The following CSMD1 variants were observed in gnomAD, a reference collection of about 807,000 sequenced individuals.
CSMD1 encodes CUB and Sushi multiple domains 1.
In CSMD1, 213 loss-of-function variants were observed where a neutral mutation model predicts 417.5. That is an observed-to-expected ratio of 0.51 (90% confidence interval 0.46 to 0.57). The LOEUF (loss-of-function observed/expected upper bound fraction) is 0.57. CSMD1 is among the 20% of genes least tolerant of loss of function. CSMD1 has a pLI of 0.00. For missense variants in CSMD1, 6,923 were observed against 4,529.7 expected (o/e 1.53, Z -15.17); for synonymous variants, 2,862 against 1,736.8 (o/e 1.65, Z -16.11).
At chr8:4,294,088 T>C (rs944872080) in intron 3 of CSMD1, among the ~76,000 whole-genome samples, 3 of 152,202 alleles carry the variant, frequency 2.0e-5, no homozygotes, top group Middle Eastern at 6.3e-3. Context: ...AAGTTGAAGT[T>C]CTATATTCCT....
At chr8:4,158,380 C>A (rs1252912518) in intron 3 of CSMD1, among the ~76,000 whole-genome samples, 6 of 152,046 alleles carry the variant, frequency 3.9e-5, no homozygotes, top group African/African-American at 1.4e-4. Flanking sequence ...AATATGAATA[C>A]AGCCACTAGT....
rs536674240 is a variant in CSMD1 at position 4,391,422 on chromosome 8, G to C, written c.415+28531C>G. Among the ~76,000 whole-genome samples, 11 of 152,194 alleles carry C rather than the reference G, an allele frequency of 7.2e-5. No homozygotes were observed. The East Asian group carries it at 2.1e-3, about 29-fold the overall frequency. On this transcript the variant is annotated intron_variant, in intron 3 of 69. Coordinates refer to ENST00000635120, the MANE Select transcript of CSMD1 (RefSeq NM_033225.6). ...TGAAGACTAGGCTTTCAGAGCCTTA[G>C]TGATTGAGAGAAGGAACATAAACAG...
At chr8:3,648,379 A>G (rs533312062) in intron 7 of CSMD1, among the ~76,000 whole-genome samples, 1 of 152,192 alleles carries the variant, frequency 6.6e-6, no homozygotes, top group African/African-American at 2.4e-5. Flanking sequence ...TCAAATTAAG[A>G]CTTTGTGAGA....
chr8:3,333,075 C>T (rs751532495), intron 23 of CSMD1, among the ~76,000 whole-genome samples: 8 of 152,184 alleles, frequency 5.3e-5, no homozygotes, highest in East Asian at 1.9e-4. Flanking sequence ...ACCACAGCCA[C>T]GTGGCAGGGA....
At chr8:4,275,762 G>C (rs976104144) in intron 3 of CSMD1, among the ~76,000 whole-genome samples, 3 of 152,124 alleles carry the variant, frequency 2.0e-5, no homozygotes, top group Non-Finnish European at 4.4e-5. Context: ...AAACACTTTA[G>C]TCACAGAATA....
chr8:4,191,845 AAC>A (rs553722913), intron 3 of CSMD1, among the ~76,000 whole-genome samples: 1 of 152,124 alleles, frequency 6.6e-6, no homozygotes, highest in African/African-American at 2.4e-5. Context: ...CAGCAAAATC[AAC>A]AGTCAGTTTC....
intron 11 of CSMD1, among the ~76,000 whole-genome samples, chr8:3,490,629 C>CAG (rs1471911895): frequency 2.6e-5 from 4 of 151,948 alleles, no homozygotes; most frequent in Non-Finnish European, 5.9e-5. Flanking sequence ...ATTTTATAGC[C>CAG]AGGAAAAGAC....
intron 5 of CSMD1, among the ~76,000 whole-genome samples, chr8:3,774,097 A>AT (rs1798769284): frequency 6.6e-6 from 1 of 152,142 alleles, no homozygotes; most frequent in African/African-American, 2.4e-5. Flanking sequence ...TCTTGTCTAA[A>AT]TATGTCCGCA....
At chr8:3,069,434 G>GAAAAAA (rs113747632) in intron 49 of CSMD1, among the ~76,000 whole-genome samples, 1 of 138,152 alleles carries the variant, frequency 7.2e-6, no homozygotes, top group Non-Finnish European at 1.6e-5. Context: ...GACTCTGTCT[G>GAAAAAA]AAAAAAAAAA....
chr8:3,719,253 G>T (rs1399972386), intron 6 of CSMD1, among the ~76,000 whole-genome samples: 3 of 151,896 alleles, frequency 2.0e-5, no homozygotes, highest in Non-Finnish European at 4.4e-5. Context: ...GGTGAACAAC[G>T]TTTTTACAAA....
intron 33 of CSMD1, among the ~76,000 whole-genome samples, chr8:3,199,413 G>C (rs1341859084): frequency 6.6e-6 from 1 of 151,952 alleles, no homozygotes; most frequent in African/African-American, 2.4e-5. Flanking sequence ...TACTGTATTT[G>C]AAGTCATCTT....
At chr8:4,790,595 C>G (rs572009503) in intron 1 of CSMD1, among the ~76,000 whole-genome samples, 3 of 152,178 alleles carry the variant, frequency 2.0e-5, no homozygotes, top group African/African-American at 7.2e-5. Flanking sequence ...AACCAAGCTA[C>G]AGTAACTAAA....
intron 2 of CSMD1, among the ~76,000 whole-genome samples, chr8:4,572,517 T>G (rs1306918981): frequency 6.6e-6 from 1 of 152,198 alleles, no homozygotes; most frequent in African/African-American, 2.4e-5. Context: ...CCTTTGTGGG[T>G]AACCCAACCT....
chr8:4,492,840 G>A (rs1286681574), intron 2 of CSMD1, among the ~76,000 whole-genome samples: 2 of 152,158 alleles, frequency 1.3e-5, no homozygotes, highest in African/African-American at 4.8e-5. Context: ...TGCTTCTCAT[G>A]CATACTTTGT....
At chr8:3,978,882 C>T (rs887026537) in intron 5 of CSMD1, among the ~76,000 whole-genome samples, 7 of 152,142 alleles carry the variant, frequency 4.6e-5, no homozygotes, top group East Asian at 1.9e-4. Flanking sequence ...GAAAGGAACA[C>T]AATATGGGAA....
At chr8:4,318,192 C>T (rs754842272) in intron 3 of CSMD1, among the ~76,000 whole-genome samples, 8 of 152,034 alleles carry the variant, frequency 5.3e-5, no homozygotes, top group Admixed American at 1.3e-4. Flanking sequence ...TATGGGTTTA[C>T]ATGTGAATGA....
chr8:4,574,306 C>T (rs1430814967), intron 2 of CSMD1, among the ~76,000 whole-genome samples: 1 of 152,174 alleles, frequency 6.6e-6, no homozygotes, highest in Non-Finnish European at 1.5e-5. Context: ...GTGGGAAAAG[C>T]ATGCTATCTG....
chr8:4,554,019 T>G (rs546955294), intron 2 of CSMD1, among the ~76,000 whole-genome samples: 33 of 152,358 alleles, frequency 2.2e-4, no homozygotes, highest in Middle Eastern at 3.4e-3. Context: ...CCTTGCGATC[T>G]AACCGCCCAG....
intron 23 of CSMD1, among the ~76,000 whole-genome samples, chr8:3,318,076 C>T (rs1418866083): frequency 2.0e-5 from 3 of 152,228 alleles, no homozygotes; most frequent in South Asian, 2.1e-4. Flanking sequence ...GTTGGGATTA[C>T]AAGCGTGACC....
Sources: allele counts gnomAD v4.1 joint callset (sites outside exome capture counted in the v4.1 genomes callset), GRCh38; gene constraint gnomAD v4.1.1; transcripts MANE v1.5; gene names NCBI Gene and HGNC (gene_info 2026-07-23, HGNC 2026-07-21).